The following ITGB6 variants were observed in gnomAD, a reference collection of about 807,000 sequenced individuals.
ITGB6 encodes integrin subunit beta 6.
In ITGB6, 80 loss-of-function variants were observed where a neutral mutation model predicts 84.5. The ratio of observed to expected loss-of-function variants is 0.95; its 90% CI spans 0.79 to 1.14. The LOEUF is 1.14. ITGB6 is among the 50% of genes most tolerant of loss of function. The pLI, the probability that ITGB6 is intolerant of heterozygous loss-of-function variation, is 0.00. For synonymous variants in ITGB6, 383 were observed against 354.9 expected (o/e 1.08, Z -0.89); for missense variants, 1,006 against 968.0 (o/e 1.04, Z -0.52).
intron 3 of ITGB6, 35 bp from the exon 4 acceptor site, chr2:160,195,650 A>G (rs1686307360): frequency 6.2e-7 from 1 of 1,610,878 alleles, no homozygotes; most frequent in Non-Finnish European, 8.5e-7. Flanking sequence ...AACCCAGGAA[A>G]ACACACTGAG....
chr2:160,141,020 A>G (rs532963121), intron 8 of ITGB6, among the ~76,000 whole-genome samples: 1 of 152,146 alleles, frequency 6.6e-6, no homozygotes, highest in Non-Finnish European at 1.5e-5. Flanking sequence ...CGTTTTAGTT[A>G]AGGAATGCTG....
At chr2:160,163,583 G>T (rs1280111574) in intron 7 of ITGB6, among the ~76,000 whole-genome samples, 1 of 151,162 alleles carries the variant, frequency 6.6e-6, no homozygotes. Context: ...AGTGAGCTGA[G>T]ATTGTGCCAC....
intron 7 of ITGB6, among the ~76,000 whole-genome samples, chr2:160,153,947 G>T (rs1460136584): frequency 6.6e-6 from 1 of 152,182 alleles, no homozygotes; most frequent in Non-Finnish European, 1.5e-5. Flanking sequence ...ATGCTGGAGA[G>T]GATGTGGAGA....
At chr2:160,129,401 A>AC (rs1271830543) in intron 10 of ITGB6, among the ~76,000 whole-genome samples, 1 of 151,486 alleles carries the variant, frequency 6.6e-6, no homozygotes, top group East Asian at 1.9e-4. Flanking sequence ...TCAAAAAAAA[A>AC]AAAAAAAAAG....
chr2:160,170,631 G>T (rs186937295), intron 6 of ITGB6, among the ~76,000 whole-genome samples: 2 of 152,152 alleles, frequency 1.3e-5, no homozygotes, highest in Non-Finnish European at 2.9e-5. Context: ...CATACTGTAA[G>T]TTCAAGGCCA....
intron 10 of ITGB6, among the ~76,000 whole-genome samples, chr2:160,133,130 A>G (rs890330976): frequency 6.6e-6 from 1 of 152,184 alleles, no homozygotes; most frequent in African/African-American, 2.4e-5. Context: ...AATTGGATAA[A>G]GAGTCAAGAC....
chr2:160,156,981 A>T (rs1266390368), intron 7 of ITGB6, among the ~76,000 whole-genome samples: 1 of 152,182 alleles, frequency 6.6e-6, no homozygotes. Flanking sequence ...GCTTGCAACA[A>T]CAGAAATTGT....
intron 4 of ITGB6, among the ~76,000 whole-genome samples, chr2:160,176,776 G>A (rs1403053668): frequency 6.6e-6 from 1 of 152,122 alleles, no homozygotes; most frequent in Admixed American, 6.5e-5. Flanking sequence ...AATAAGGCAG[G>A]TTCATTGAAG....
intron 6 of ITGB6, among the ~76,000 whole-genome samples, chr2:160,172,012 G>C (rs1685223882): frequency 6.6e-6 from 1 of 152,230 alleles, no homozygotes; most frequent in African/African-American, 2.4e-5. Context: ...GGGGTCTATT[G>C]AGGAGATCAT....
At chr2:160,198,984 T>C (rs1464120531) in intron 2 of ITGB6, among the ~76,000 whole-genome samples, 195 bp downstream of exon 2, 1 of 152,222 alleles carries the variant, frequency 6.6e-6, no homozygotes, top group Non-Finnish European at 1.5e-5. Context: ...CATCCACTCC[T>C]TCTACAAATT....
At chr2:160,138,002 A>G in intron 9 of ITGB6, 63 bp downstream of exon 9, 1 of 1,545,658 alleles carries the variant, frequency 6.5e-7, no homozygotes, top group South Asian at 1.3e-5. Context: ...AGCTTCAGTG[A>G]GCTCAGCTAA....
intron 12 of ITGB6, among the ~76,000 whole-genome samples, chr2:160,112,616 G>A (rs1406959620): frequency 1.3e-5 from 2 of 152,142 alleles, no homozygotes; most frequent in South Asian, 2.1e-4. Flanking sequence ...TACTTTTAAA[G>A]GGGCCTTTCT....
In ITGB6 at chr2:160,137,626, A is replaced by C; in HGVS notation, c.1468T>G (p.Cys490Gly). ...CTCAGCATGTCCTCGCCACACTCAC[A>C]GCGAGGCCCCATGTGGCCAGGGTGG... ...ACHPGHMGPRCECGEDMLSTD... is the reference protein window; with the variant it reads ...ACHPGHMGPRGECGEDMLSTD... The change falls in exon 10 of 15, where the codon TGT (cysteine) becomes GGT (glycine). Residue 490 changes from cysteine (C) to glycine (G), a missense_variant. Cys to Gly is a radical substitution (Grantham distance 159, BLOSUM62 -3). Transcript: ENST00000283249. 6.2e-7 allele frequency: 1 copy of C among 1,614,216 alleles called. No homozygotes were observed. The highest frequency in any genetic ancestry group is 8.5e-7 in the Non-Finnish European group (1 of 1,180,026).
intron 4 of ITGB6, among the ~76,000 whole-genome samples, chr2:160,189,693 G>A (rs1686059338): frequency 6.6e-6 from 1 of 151,786 alleles, no homozygotes; most frequent in African/African-American, 2.4e-5. Flanking sequence ...TCATTAAAAA[G>A]TCAGGAAACA....
intron 11 of ITGB6, among the ~76,000 whole-genome samples, 181 bp downstream of exon 11, chr2:160,126,198 C>T (rs778748501): frequency 4.6e-5 from 7 of 152,044 alleles, no homozygotes; most frequent in Non-Finnish European, 8.8e-5. Flanking sequence ...AAGAGGTAAG[C>T]GAGAGATTGA....
chr2:160,174,004 A>C lies in ITGB6; in HGVS notation c.729T>G (p.Phe243Leu). 1.9e-6 allele frequency: 3 copies of C among 1,613,794 alleles called. No homozygotes were observed. The highest frequency in any genetic ancestry group is 1.7e-6 in the Non-Finnish European group (2 of 1,179,936). Residue 243 changes from phenylalanine (F) to leucine (L), a missense_variant, in exon 5 of 15, where the codon TTT becomes TTG. Transcript: ENST00000283249. ...ACACAGCAGCTTGCATAATTGCATC[A>C]AATCCACCTTCGGGTGTGTCAATAT... ...SANIDTPEGG[F>L]DAIMQAAVCK...
At chr2:160,103,611 T>C (rs560339148) in intron 14 of ITGB6, among the ~76,000 whole-genome samples, 2 of 152,290 alleles carry the variant, frequency 1.3e-5, no homozygotes, top group South Asian at 4.1e-4. Context: ...TAGATGTAGA[T>C]GGAGTCTCAT....
At chr2:160,199,305 C>CTCATAAATGGA in intron 1 of ITGB6, 47 bp from the exon 2 acceptor site, 1 of 1,435,628 alleles carries the variant, frequency 7.0e-7, no homozygotes, top group Non-Finnish European at 9.8e-7. Flanking sequence ...CACTTTCAGT[C>CTCATAAATGGA]ATTCCATTTA....
In ITGB6 at chr2:160,124,613, G is replaced by T. The variant is rs189755804; in HGVS notation, c.1884-725C>A. On this transcript the variant is annotated intron_variant, in intron 11 of 14. Transcript: ENST00000283249. Reference sequence around the variant, plus strand: ...TGTGCTGAAAATCACTTTACAAATAGATTGTGCTTGTTGTAATTCAAAAAC... The same window carrying T: ...TGTGCTGAAAATCACTTTACAAATATATTGTGCTTGTTGTAATTCAAAAAC... Among the ~76,000 whole-genome samples, 500 of 152,268 alleles carry T rather than the reference G, an allele frequency of 3.3e-3. 1 individual carries two copies. The highest frequency in any genetic ancestry group is 4.5e-3 in the Non-Finnish European group (307 of 68,014).
Sources: gnomAD v4.1 joint callset for allele counts (sites outside exome capture counted in the v4.1 genomes callset) on GRCh38, gnomAD v4.1.1 for gene constraint, MANE v1.5 for transcripts, NCBI Gene and HGNC (gene_info 2026-07-23, HGNC 2026-07-21) for gene names.